The following PTPRH variants were observed in gnomAD, a reference collection of about 807,000 sequenced individuals.
PTPRH encodes protein tyrosine phosphatase receptor type H.
A neutral mutation model predicts 130.2 loss-of-function variants in PTPRH; 113 were observed. The observed-to-expected ratio is 0.87, with a 90% CI of 0.75 to 1.01. The LOEUF (loss-of-function observed/expected upper bound fraction) is 1.01. Among genes scored for constraint, PTPRH ranks in the 50% least tolerant of loss-of-function variants. PTPRH has a pLI of 0.00. For missense variants in PTPRH, 1,430 were observed against 1,425.0 expected (o/e 1.00, Z -0.06); for synonymous variants, 556 against 577.9 (o/e 0.96, Z 0.54).
At chr19:55,200,188 G>T (rs748236148) in intron 7 of PTPRH, 48 bp downstream of exon 7, 9 of 1,603,044 alleles carry the variant, frequency 5.6e-6, no homozygotes, top group Non-Finnish European at 7.7e-6. Flanking sequence ...GCTCCTGCTG[G>T]TTCTTAACCT....
intron 12 of PTPRH, 120 bp downstream of exon 12, chr19:55,191,381 C>G: frequency 8.5e-7 from 1 of 1,183,166 alleles, no homozygotes; most frequent in Non-Finnish European, 1.2e-6. Context: ...AGGCATGGGC[C>G]CCTTCTGAGA....
rs1252581904 is a variant in PTPRH, at chr19:55,203,971, C to T, written c.697G>A (p.Gly233Ser). Residue 233 changes from glycine to serine, a missense_variant, in exon 5 of 20, where the codon GGC (glycine) becomes AGC (serine). Transcript: ENST00000376350. ...SISLSWEVPD[G>S]TDPQNSTYCV... Reference sequence around the variant, plus strand: ...TAGGTCGAGTTCTGTGGGTCTGTGCCATCGGGGACCTCCCAGCTCAGGGAG... The same window carrying T: ...TAGGTCGAGTTCTGTGGGTCTGTGCTATCGGGGACCTCCCAGCTCAGGGAG... 4 of 1,614,052 alleles carry T rather than the reference C, an allele frequency of 2.5e-6. No individual in the cohort carries two copies. The highest frequency in any genetic ancestry group is 1.7e-5 in the Admixed American group (1 of 59,992).
chr19:55,205,734 G>A lies in PTPRH; in HGVS notation c.353-142C>T, dbSNP rs1175520140. ...CCAGTGTGGCAGCCACGAGTTCCAC[G>A]TGAGTGTTGAGCACCGTGAGGTGGC... On this transcript the variant is annotated intron_variant, in intron 3 of 19. Coordinates refer to ENST00000376350, the MANE Select transcript of PTPRH (RefSeq NM_002842.5). The A allele has an allele frequency of 5.1e-5, 65 of 1,263,538 alleles. 1 individual carries two copies. The highest frequency in any genetic ancestry group is 2.3e-4 in the Middle Eastern group (1 of 4,326). The allele number at this position is 1,263,538 out of a possible 1,614,324, so 78.3% of individuals were successfully genotyped here. A position where few individuals can be genotyped will look rare whatever the true frequency, so the allele number is the denominator to read the frequency against.
intron 4 of PTPRH, among the ~76,000 whole-genome samples, chr19:55,205,071 C>T (rs552112017): frequency 1.3e-5 from 2 of 152,096 alleles, no homozygotes; most frequent in Non-Finnish European, 2.9e-5. Context: ...ATGCCTTGGC[C>T]CCTACACATT....
At chr19:55,205,099 G>A (rs1410435043) in intron 4 of PTPRH, among the ~76,000 whole-genome samples, 1 of 151,852 alleles carries the variant, frequency 6.6e-6, no homozygotes, top group Non-Finnish European at 1.5e-5. Flanking sequence ...GTGCAGGAAG[G>A]TACATTCTAG....
chr19:55,181,987 C>T lies in PTPRH; in HGVS notation c.3198+29G>A, dbSNP rs775147734. On this transcript the variant is annotated intron_variant, in intron 19 of 19. Transcript: ENST00000376350. ...CAGGGTCCCTCGTCCCACTGCCTCC[C>T]GTCCTGTGTTGCTGAGGGACTGCCT... 36 of 1,613,800 alleles carry T rather than the reference C, an allele frequency of 2.2e-5. No individual in the cohort carries two copies. The Admixed American group carries it at 2.7e-4, about 12-fold the overall frequency.
chr19:55,181,487 C>T lies in PTPRH; in HGVS notation c.*267G>A, dbSNP rs2086169339. ...CCAGGCCCCAGCCTGTTTCTTTCTG[C>T]ATCCTGGAAAGACCTAGGGAATCCA... On this transcript the variant is annotated 3_prime_UTR_variant, in exon 20 of 20. Transcript: ENST00000376350. The T allele has an allele frequency of 9.5e-6, 4 of 419,598 alleles. No homozygotes were observed. The highest frequency in any genetic ancestry group is 1.7e-5 in the Non-Finnish European group (4 of 232,734). The allele number at this position is 419,598 out of a possible 1,614,324, so 26.0% of individuals were successfully genotyped here. A position where few individuals can be genotyped will look rare whatever the true frequency, so the allele number is the denominator to read the frequency against.
At position 55,191,505 on chromosome 19, in the gene PTPRH, A is replaced by C; in HGVS notation, c.2380T>G (p.Phe794Val). The change falls in exon 12 of 20, where the codon TTT (phenylalanine) becomes GTT (valine). Residue 794 changes from phenylalanine to valine, a missense_variant. Physicochemically the swap from Phe to Val is conservative, Grantham distance 50. Coordinates refer to ENST00000376350, the MANE Select transcript of PTPRH (RefSeq NM_002842.5). ...CCCCCCAGACCTTCTGCTCACCTAAAGACCAGATCCCTGAGTTCTGGTTTC... is the reference window on the plus strand; with the variant it reads ...CCCCCCAGACCTTCTGCTCACCTAACGACCAGATCCCTGAGTTCTGGTTTC... Reference protein sequence around the residue: ...QQKPELRDLVFSSPGDIPAED... With the variant: ...QQKPELRDLVVSSPGDIPAED... 1 of 1,614,112 alleles carries C rather than the reference A, an allele frequency of 6.2e-7. No individual in the cohort carries two copies. Among genetic ancestry groups the C allele is most frequent in the Non-Finnish European group, 8.5e-7 (1 of 1,180,016 alleles).
At position 55,206,910 on chromosome 19, in the gene PTPRH, C is replaced by T; in HGVS notation, c.131G>A (p.Ser44Asn). 3 of 1,611,370 alleles carry T rather than the reference C, an allele frequency of 1.9e-6. No homozygotes were observed. The highest frequency in any genetic ancestry group is 2.5e-6 in the Non-Finnish European group (3 of 1,178,170). Residue 44 changes from serine (S) to asparagine (N), a missense_variant, in exon 3 of 20, where the codon AGC (serine) becomes AAC (asparagine). Physicochemically the swap from Ser to Asn is conservative, Grantham distance 46. Coordinates refer to ENST00000376350, the MANE Select transcript of PTPRH (RefSeq NM_002842.5). ...GACCTCCCAGCTCAGGGAGATGGAG[C>T]TGGTGGTCTGAGTCTCCACTGTCAG... The part of the protein sequence containing the change: ...RNLTVETQTT[S>N]SISLSWEVPD...
At chr19:55,187,649 C>T in intron 13 of PTPRH, 46 bp from the exon 14 acceptor site, 1 of 1,464,874 alleles carries the variant, frequency 6.8e-7, no homozygotes. Flanking sequence ...ATTTTCTCTA[C>T]TTTCCCTCGG....
chr19:55,199,502 G>A (rs985720623), intron 7 of PTPRH, among the ~76,000 whole-genome samples: 2 of 152,100 alleles, frequency 1.3e-5, no homozygotes, highest in Non-Finnish European at 2.9e-5. Context: ...CTACTTGGAA[G>A]GCAGAGGCAG....
In PTPRH at chr19:55,198,706, G is replaced by A. The variant is rs16986309; in HGVS notation, c.1627C>T (p.Leu543Phe). The change falls in exon 8 of 20, where the codon CTC becomes TTC. Residue 543 changes from leucine to phenylalanine, a missense_variant. By Grantham distance (22) the Leu-to-Phe change is conservative (BLOSUM62 0). Coordinates refer to ENST00000376350, the MANE Select transcript of PTPRH (RefSeq NM_002842.5). ...TCATTCCTCTCGGCCCAGACGGTGA[G>A]GTGGTACAGGCTGCCAGCTTCCAGT... is the stretch of plus-strand genomic sequence containing the variant. ...KELEAGSLYH[L>F]TVWAERNEVR... is the part of the protein sequence containing the mutation. The A allele has an allele frequency of 0.11, 179,372 of 1,613,906 alleles. 10,659 individuals are homozygous for A. The highest frequency in any genetic ancestry group is 0.13 in the African/African-American group (9,832 of 75,018).
chr19:55,207,060 A>AC, intron 2 of PTPRH, 105 bp from the exon 3 acceptor site: 2 of 1,566,196 alleles, frequency 1.3e-6, no homozygotes, highest in Admixed American at 1.9e-5. Flanking sequence ...GCGCTCATAA[A>AC]CCCCTACCAT....
At chr19:55,204,750 T>C (rs2122301330) in intron 4 of PTPRH, among the ~76,000 whole-genome samples, 1 of 152,314 alleles carries the variant, frequency 6.6e-6, no homozygotes, top group African/African-American at 2.4e-5. Flanking sequence ...CTCTCCCACC[T>C]TCCAGTATGG....
In PTPRH at chr19:55,196,396, A is replaced by G. The variant is rs191798361; in HGVS notation, c.2257+126T>C. The stretch of plus-strand genomic sequence containing the variant: ...AGAGCAAAACTCCATCTCAAAATAC[A>G]AAATAAAAAAGATGTTTCAAAGGAA... On this transcript the variant is annotated intron_variant, in intron 10 of 19. Transcript: ENST00000376350. The G allele has an allele frequency of 6.5e-4, 829 of 1,284,912 alleles. 3 individuals carry two copies. In the African/African-American group the frequency reaches 9.4e-3, roughly 15 times the overall value. 79.6% of individuals were successfully genotyped at this position (1,284,912 alleles called of 1,614,324 possible).
Position 55,196,806 on chromosome 19 carries a change from G to A in PTPRH, c.1991-18C>T, listed in dbSNP as rs2086696271. ...GTCTGGGTCTGGGTGAAGGAAGCAAGAGGTCAGCAGTGCCATCCAAGGTGG... is the reference window on the plus strand; with the variant it reads ...GTCTGGGTCTGGGTGAAGGAAGCAAAAGGTCAGCAGTGCCATCCAAGGTGG... On this transcript the variant is annotated intron_variant, in intron 9 of 19. Coordinates refer to ENST00000376350, the MANE Select transcript of PTPRH (RefSeq NM_002842.5). 1 of 1,605,782 alleles carries A rather than the reference G, an allele frequency of 6.2e-7. No homozygotes were observed. Among genetic ancestry groups the A allele is most frequent in the East Asian group, 2.2e-5 (1 of 44,622 alleles).
At chr19:55,191,381 C>A in intron 12 of PTPRH, 120 bp downstream of exon 12, 1 of 1,183,164 alleles carries the variant, frequency 8.5e-7, no homozygotes, top group Middle Eastern at 2.8e-4. Flanking sequence ...AGGCATGGGC[C>A]CCTTCTGAGA....
rs752530632 is a variant in PTPRH, at chr19:55,197,274, C to A, written c.1833G>T (p.Gly611=). 84 of 1,614,144 alleles carry A rather than the reference C, an allele frequency of 5.2e-5. No individual in the cohort carries two copies. Among genetic ancestry groups the A allele is most frequent in the Non-Finnish European group, 6.6e-5 (78 of 1,180,056 alleles). The stretch of plus-strand genomic sequence containing the variant: ...TGACCCAATTCGCTTGGGGATCTTG[C>A]CCCCTCCGGGGATGTCCCTTGCTGG... The part of the protein sequence containing the change: ...QWASKGHPRR[G]QDPQANWVNQ... The change falls in exon 9 of 20, where the codon GGG becomes GGT. Residue 611 remains glycine (G), a synonymous_variant. Coordinates refer to ENST00000376350, the MANE Select transcript of PTPRH (RefSeq NM_002842.5).
At position 55,188,172 on chromosome 19, in the gene PTPRH, C is replaced by A. The variant is rs758472647; in HGVS notation, c.2385-4G>T. The A allele has an allele frequency of 6.2e-7, 1 of 1,612,564 alleles. No individual in the cohort carries two copies. The highest frequency in any genetic ancestry group is 8.5e-7 in the Non-Finnish European group (1 of 1,178,834). On this transcript the variant is annotated splice_polypyrimidine_tract_variant and splice_region_variant and intron_variant, in intron 12 of 19. Coordinates refer to ENST00000376350, the MANE Select transcript of PTPRH (RefSeq NM_002842.5). ...AGCTGGGATGTCCCCTGGGGAGCTA[C>A]GGGTTTTGGGGGAGCAGGGAGAAAA...
Sources: allele counts gnomAD v4.1 joint callset (sites outside exome capture counted in the v4.1 genomes callset), GRCh38; gene constraint gnomAD v4.1.1; transcripts MANE v1.5; gene names NCBI Gene and HGNC (gene_info 2026-07-23, HGNC 2026-07-21).